Variants in RTN1 observed in about 807,000 individuals in gnomAD.
RTN1 encodes reticulon-1.
RTN1 carries 25 observed loss-of-function variants against 65.5 expected under a neutral mutation model. The ratio of observed to expected loss-of-function variants is 0.38; its 90% CI spans 0.28 to 0.53. RTN1 has a LOEUF of 0.53. Among genes scored for constraint, RTN1 ranks in the 20% least tolerant of loss-of-function variants. RTN1 has a pLI of 0.79. For synonymous variants in RTN1, 471 were observed against 447.6 expected, an observed-to-expected ratio of 1.05 and a Z score of -0.66; for missense variants, 983 against 1,025.4, an observed-to-expected ratio of 0.96 and a Z score of 0.57.
intron 3 of RTN1, among the ~76,000 whole-genome samples, chr14:59,721,195 C>T (rs980397981): frequency 1.3e-5 from 2 of 152,186 alleles, no homozygotes; most frequent in African/African-American, 4.8e-5. Context: ...CCACAAATCA[C>T]CCCTCCAAGG....
At chr14:59,854,721 T>C (rs970584889) in intron 1 of RTN1, among the ~76,000 whole-genome samples, 20 of 150,868 alleles carry the variant, frequency 1.3e-4, no homozygotes, top group East Asian at 7.8e-4. Context: ...ATTAAGAGCA[T>C]GAACCCTAGA....
rs200434592 is a variant in RTN1, at chr14:59,728,249, C to CTTTT, written c.1016-585_1016-582dup. ...TTATATTTCCAATAAGAATCAGTATCTTTTTTTTTTTTTTTTTTTTTTTTT... is the reference window on the plus strand; with the variant it reads ...TTATATTTCCAATAAGAATCAGTATCTTTTTTTTTTTTTTTTTTTTTTTTTTTTT... On this transcript the variant is annotated intron_variant, in intron 2 of 8. Transcript: ENST00000267484. 3.7e-3 allele frequency among the ~76,000 whole-genome samples: 460 copies of CTTTT among 124,104 alleles called. 24 individuals are homozygous for CTTTT. The highest frequency in any genetic ancestry group is 0.012 in the African/African-American group (417 of 33,556). 81.4% of individuals were successfully genotyped at this position (124,104 alleles called of 152,430 possible).
At chr14:59,867,685 G>C (rs1887823458) in intron 1 of RTN1, among the ~76,000 whole-genome samples, 1 of 152,130 alleles carries the variant, frequency 6.6e-6, no homozygotes, top group Admixed American at 6.5e-5. Context: ...GGCATGATTG[G>C]TGATGTTTTT....
rs1882220153 is a variant in RTN1 at position 59,620,272 on chromosome 14, G to C, written c.1766-12780C>G. Among the ~76,000 whole-genome samples the C allele has an allele frequency of 2.0e-5, 3 of 152,246 alleles. No individual in the cohort carries two copies. In the South Asian group the frequency reaches 6.2e-4, roughly 32 times the overall value. On this transcript the variant is annotated intron_variant, in intron 3 of 8. Coordinates refer to ENST00000267484, the MANE Select transcript of RTN1 (RefSeq NM_021136.3). ...ATAACATAATGAGGGAAATTAACTTGAATTTTCCCTGGAAAATGAGTCAAG... is the reference window on the plus strand; with the variant it reads ...ATAACATAATGAGGGAAATTAACTTCAATTTTCCCTGGAAAATGAGTCAAG...
chr14:59,834,273 G>GA lies in RTN1; in HGVS notation c.241+36116dup, dbSNP rs1455457330. Among the ~76,000 whole-genome samples the GA allele has an allele frequency of 2.0e-5, 3 of 151,928 alleles. No individual in the cohort carries two copies. In the East Asian group the frequency reaches 5.8e-4, roughly 29 times the overall value. The stretch of plus-strand genomic sequence containing the variant: ...ATAAAATTTCTAGAAGAAAACACAG[G>GA]AAAAAAATCTTTGTCACCTTTGGTT... On this transcript the variant is annotated intron_variant, in intron 1 of 8. Coordinates refer to ENST00000267484, the MANE Select transcript of RTN1 (RefSeq NM_021136.3).
chr14:59,737,529 A>G (rs183469992), intron 2 of RTN1, among the ~76,000 whole-genome samples: 1 of 152,338 alleles, frequency 6.6e-6, no homozygotes, highest in Admixed American at 6.5e-5. Context: ...AAAGAAATGG[A>G]AAAACATTCC....
At chr14:59,861,898 C>T (rs1204262836) in intron 1 of RTN1, among the ~76,000 whole-genome samples, 6 of 152,160 alleles carry the variant, frequency 3.9e-5, no homozygotes, top group Non-Finnish European at 5.9e-5. Context: ...TATTATAGCT[C>T]GTCAATGTCT....
intron 6 of RTN1, 67 bp downstream of exon 6, chr14:59,603,785 C>T: frequency 7.9e-7 from 1 of 1,270,394 alleles, no homozygotes; most frequent in Non-Finnish European, 1.1e-6. Context: ...AAAAAGCTTA[C>T]AGCCTAGGAA....
At chr14:59,675,310 G>A (rs953312178) in intron 3 of RTN1, among the ~76,000 whole-genome samples, 6 of 152,090 alleles carry the variant, frequency 3.9e-5, no homozygotes, top group African/African-American at 1.2e-4. Context: ...AAAATGGACT[G>A]CATGTGGAGA....
At chr14:59,637,902 A>G (rs969919080) in intron 3 of RTN1, among the ~76,000 whole-genome samples, 1 of 150,464 alleles carries the variant, frequency 6.6e-6, no homozygotes, top group African/African-American at 2.4e-5. Flanking sequence ...CCCAGGCTGG[A>G]GTGCAGTGGC....
rs113944388 is a variant in RTN1 at position 59,685,423 on chromosome 14, A to C, written c.1765+41496T>G. Among the ~76,000 whole-genome samples the C allele has an allele frequency of 5.3e-3, 801 of 152,328 alleles. 6 individuals carry two copies. The highest frequency in any genetic ancestry group is 0.016 in the African/African-American group (678 of 41,590). ...TGAACTTGTATATAGAAAAGTCTGAAGACTCCACCAAAAAAACTGTTAGAT... is the reference window on the plus strand; with the variant it reads ...TGAACTTGTATATAGAAAAGTCTGACGACTCCACCAAAAAAACTGTTAGAT... On this transcript the variant is annotated intron_variant, in intron 3 of 8. Coordinates refer to ENST00000267484, the MANE Select transcript of RTN1 (RefSeq NM_021136.3).
rs542139676 is a variant in RTN1 at position 59,603,615 on chromosome 14, G to A, written c.2182+237C>T. The A allele has an allele frequency of 1.5e-5, 5 of 332,590 alleles. No individual in the cohort carries two copies. In the East Asian group the frequency reaches 2.4e-4, roughly 16 times the overall value. The allele number at this position is 332,590 out of a possible 1,614,324, so 20.6% of individuals were successfully genotyped here. A position where few individuals can be genotyped will look rare whatever the true frequency, so the allele number is the denominator to read the frequency against. On this transcript the variant is annotated intron_variant, in intron 6 of 8. Transcript: ENST00000267484. ...AAATATATATATTACAAGCCAGAAA[G>A]AAGCCAGTTATGTTTGAAGAAAAAA... is the stretch of plus-strand genomic sequence containing the variant.
chr14:59,744,563 G>A (rs144067924), intron 2 of RTN1, among the ~76,000 whole-genome samples: 1 of 152,256 alleles, frequency 6.6e-6, no homozygotes, highest in African/African-American at 2.4e-5. Context: ...GCCTAATGAA[G>A]TCTAAACTTT....
intron 1 of RTN1, among the ~76,000 whole-genome samples, chr14:59,749,135 T>G (rs1336977529): frequency 6.8e-4 from 1 of 1,470 alleles, no homozygotes; most frequent in African/African-American, 7.6e-4. Flanking sequence ...GATATATCTA[T>G]ATCTATCTAT....
At chr14:59,677,294 A>G (rs1883647412) in intron 3 of RTN1, among the ~76,000 whole-genome samples, 1 of 152,208 alleles carries the variant, frequency 6.6e-6, no homozygotes, top group Non-Finnish European at 1.5e-5. Context: ...TCAGCCTTGA[A>G]CAGGCAGAGG....
chr14:59,776,628 T>A (rs1209022513), intron 1 of RTN1, among the ~76,000 whole-genome samples: 2 of 152,108 alleles, frequency 1.3e-5, no homozygotes, highest in African/African-American at 2.4e-5. Flanking sequence ...CTTCTCTCTA[T>A]CTCATTTGTT....
intron 1 of RTN1, among the ~76,000 whole-genome samples, chr14:59,864,591 T>C (rs1330938888): frequency 6.6e-6 from 1 of 152,050 alleles, no homozygotes; most frequent in Non-Finnish European, 1.5e-5. Context: ...GGCTTTTATC[T>C]GTCCTTTTCT....
chr14:59,779,268 G>T (rs1333086521), intron 1 of RTN1, among the ~76,000 whole-genome samples: 1 of 152,122 alleles, frequency 6.6e-6, no homozygotes, highest in Non-Finnish European at 1.5e-5. Flanking sequence ...GGCCAACTGG[G>T]TGGATGGTAG....
At chr14:59,837,040 T>TAG (rs1420095249) in intron 1 of RTN1, among the ~76,000 whole-genome samples, 1 of 142,214 alleles carries the variant, frequency 7.0e-6, no homozygotes, top group Non-Finnish European at 1.5e-5. Flanking sequence ...TGGCCATATA[T>TAG]ATATAAAAGG....
Sources: gnomAD v4.1 joint callset for allele counts (sites outside exome capture counted in the v4.1 genomes callset) on GRCh38, gnomAD v4.1.1 for gene constraint, MANE v1.5 for transcripts, NCBI Gene and HGNC (gene_info 2026-07-23, HGNC 2026-07-21) for gene names.